Variants in B4GALT6 observed in about 807,000 individuals in gnomAD.
The protein encoded by B4GALT6 is beta-1,4-galactosyltransferase 6, also known as UDP-Gal:beta-GlcNAc beta-1,4-galactosyltransferase 6.
In B4GALT6, 14 loss-of-function variants were observed where a neutral mutation model predicts 46.3. The ratio of observed to expected loss-of-function variants is 0.30; its 90% confidence interval spans 0.20 to 0.47. The LOEUF (loss-of-function observed/expected upper bound fraction) is 0.47, where lower values mean the gene tolerates loss of function less well. B4GALT6 is among the 20% of genes least tolerant of loss of function. The pLI, the probability that B4GALT6 is intolerant of heterozygous loss-of-function variation, is 0.99. For synonymous variants in B4GALT6, 168 were observed against 162.0 expected (o/e 1.04, Z -0.28); for missense variants, 386 against 480.1 (o/e 0.80, Z 1.83).
At chr18:31,636,219 C>T (rs1242691164) in intron 5 of B4GALT6, among the ~76,000 whole-genome samples, 1 of 152,098 alleles carries the variant, frequency 6.6e-6, no homozygotes, top group Non-Finnish European at 1.5e-5. Context: ...GAAAATCATA[C>T]AGAACAATTT....
At chr18:31,644,479 T>C (rs1164342761) in intron 4 of B4GALT6, among the ~76,000 whole-genome samples, 3 of 152,302 alleles carry the variant, frequency 2.0e-5, no homozygotes, top group African/African-American at 2.4e-5. Flanking sequence ...ACAAATATTC[T>C]AGAAGTATAC....
chr18:31,684,304 G>A lies in B4GALT6; in HGVS notation c.115+8C>T, dbSNP rs948302156. 3 of 1,613,304 alleles carry A rather than the reference G, an allele frequency of 1.9e-6. No individual in the cohort carries two copies. Among genetic ancestry groups the A allele is most frequent in the Non-Finnish European group, 1.7e-6 (2 of 1,179,614 alleles). On this transcript the variant is annotated splice_region_variant and intron_variant, in intron 1 of 8. Coordinates refer to ENST00000306851, the MANE Select transcript of B4GALT6 (RefSeq NM_004775.5). ...CCAGGGGAAGCGAGGGTGTGTCTCG[G>A]TGCTTACCGATGCCTGGGGCCACAT... is the stretch of plus-strand genomic sequence containing the variant.
At chr18:31,638,498 G>A in intron 5 of B4GALT6, 146 bp downstream of exon 5, 2 of 676,188 alleles carry the variant, frequency 3.0e-6, no homozygotes, top group Non-Finnish European at 4.9e-6. Flanking sequence ...CTGCATTCCA[G>A]CCTGGGCAAC....
At position 31,625,773 on chromosome 18, in the gene B4GALT6, G is replaced by C. The variant is rs200258231; in HGVS notation, c.1002-12C>G. The C allele has an allele frequency of 9.4e-5, 146 of 1,560,362 alleles. No homozygotes were observed. In the Middle Eastern group the frequency reaches 2.9e-3, roughly 32 times the overall value. On this transcript the variant is annotated splice_polypyrimidine_tract_variant and intron_variant, in intron 8 of 8. Coordinates refer to ENST00000306851, the MANE Select transcript of B4GALT6 (RefSeq NM_004775.5). ...TTAGTAATTTATACCTATAGTTTTA[G>C]AGGAAAAAACAAAAAAGCAACAAAA...
At chr18:31,682,481 G>A (rs1050561401) in intron 1 of B4GALT6, among the ~76,000 whole-genome samples, 5 of 152,108 alleles carry the variant, frequency 3.3e-5, no homozygotes, top group African/African-American at 1.2e-4. Flanking sequence ...CAAGACACGT[G>A]CCAACATTTT....
chr18:31,724,506 G>C, the B4GALT6 span: 1 of 1,009,188 alleles, frequency 9.9e-7, no homozygotes, highest in South Asian at 3.9e-5. Flanking sequence ...GGGGTCTTCT[G>C]CTTCCTCCCA....
chr18:31,638,401 C>A (rs950183097), intron 5 of B4GALT6, among the ~76,000 whole-genome samples: 2 of 152,020 alleles, frequency 1.3e-5, no homozygotes, highest in Admixed American at 6.6e-5. Context: ...GTGGCGGGTG[C>A]CTGTAGTCCC....
At chr18:31,648,396 A>G (rs2074018661) in intron 3 of B4GALT6, among the ~76,000 whole-genome samples, 1 of 152,214 alleles carries the variant, frequency 6.6e-6, no homozygotes, top group Non-Finnish European at 1.5e-5. Context: ...CGCTGGGGTT[A>G]GAAAGGAAAG....
In B4GALT6 at chr18:31,652,832, G is replaced by A. The variant is rs573695712; in HGVS notation, c.346+5144C>T. Among the ~76,000 whole-genome samples, 8 of 152,218 alleles carry A rather than the reference G, an allele frequency of 5.3e-5. No individual in the cohort carries two copies. In the East Asian group the frequency reaches 7.7e-4, roughly 15 times the overall value. ...TTGGCACTTGCCCTTGTTGTTGCCC[G>A]TCGGCTTCCTGCAGCAAGCTCCTCA... On this transcript the variant is annotated intron_variant, in intron 3 of 8. Coordinates refer to ENST00000306851, the MANE Select transcript of B4GALT6 (RefSeq NM_004775.5).
At chr18:31,653,264 C>T (rs1233829948) in intron 3 of B4GALT6, among the ~76,000 whole-genome samples, 2 of 151,808 alleles carry the variant, frequency 1.3e-5, no homozygotes, top group African/African-American at 4.8e-5. Context: ...CCTCTCTGGG[C>T]AGAGCCGACC....
Position 31,669,823 on chromosome 18 carries a change from A to G in B4GALT6, c.116-3451T>C, listed in dbSNP as rs77107854. 7.3e-3 allele frequency among the ~76,000 whole-genome samples: 1,106 copies of G among 152,264 alleles called. 14 individuals are homozygous for G. Among genetic ancestry groups the G allele is most frequent in the African/African-American group, 0.026 (1,062 of 41,546 alleles). ...ATTTAATCCTAAAGTTACATATGAA[A>G]TTTGTTGTCAGTAATATAAACATCT... On this transcript the variant is annotated intron_variant, in intron 1 of 8. Transcript: ENST00000306851.
chr18:31,643,710 C>A (rs142988304), intron 4 of B4GALT6, among the ~76,000 whole-genome samples: 1 of 152,182 alleles, frequency 6.6e-6, no homozygotes, highest in Non-Finnish European at 1.5e-5. Flanking sequence ...ATACACCTGT[C>A]TCCTGGAAAA....
chr18:31,630,962 T>A lies in B4GALT6; in HGVS notation c.773A>T (p.Tyr258Phe). The change falls in exon 6 of 9, where the codon TAT becomes TTT. Residue 258 changes from tyrosine (Y) to phenylalanine (F), a missense_variant. Tyr to Phe is a conservative substitution (Grantham distance 22, BLOSUM62 3). Transcript: ENST00000306851. ...AGGAATAGTGCACACTACTTACATA[T>A]ACATGTATTTATCCAGCTTTGCAGC... is the stretch of plus-strand genomic sequence containing the variant. Reference protein sequence around the residue: ...HFAAKLDKYMYILPYKEFFGG... With the variant: ...HFAAKLDKYMFILPYKEFFGG... 1 of 1,614,186 alleles carries A rather than the reference T, an allele frequency of 6.2e-7. No homozygotes were observed. The highest frequency in any genetic ancestry group is 8.5e-7 in the Non-Finnish European group (1 of 1,180,006).
In B4GALT6 at chr18:31,625,422, G is replaced by T; in HGVS notation, c.*192C>A. 1 of 528,770 alleles carries T rather than the reference G, an allele frequency of 1.9e-6. No individual in the cohort carries two copies. Among genetic ancestry groups the T allele is most frequent in the Non-Finnish European group, 3.2e-6 (1 of 314,612 alleles). 32.8% of individuals were successfully genotyped at this position (528,770 alleles called of 1,614,324 possible). ...TTTCTGCGGTGCTCGCCACAGGGGT[G>T]TGTCTCAGAGCAGGGAGGACGGGTG... is the stretch of plus-strand genomic sequence containing the variant. On this transcript the variant is annotated 3_prime_UTR_variant, in exon 9 of 9. Transcript: ENST00000306851.
At chr18:31,684,205 G>A (rs1468406826) in intron 1 of B4GALT6, 107 bp downstream of exon 1, 7 of 1,532,076 alleles carry the variant, frequency 4.6e-6, no homozygotes, top group African/African-American at 4.2e-5. Context: ...ACGCTTTTCT[G>A]CGGGCCCCTG....
At chr18:31,695,657 A>G in the B4GALT6 span, among the ~76,000 whole-genome samples, 1 of 152,244 alleles carries the variant, frequency 6.6e-6, no homozygotes, top group Non-Finnish European at 1.5e-5. Flanking sequence ...TGAGCTGCCA[A>G]TTTTTGTAAT....
At chr18:31,656,144 A>G (rs974833486) in intron 3 of B4GALT6, among the ~76,000 whole-genome samples, 1 of 152,200 alleles carries the variant, frequency 6.6e-6, no homozygotes, top group South Asian at 2.1e-4. Context: ...GCCTTAGATG[A>G]TATTAGAAGG....
chr18:31,633,473 T>A (rs1230445695), intron 5 of B4GALT6, among the ~76,000 whole-genome samples: 1 of 152,208 alleles, frequency 6.6e-6, no homozygotes, highest in Non-Finnish European at 1.5e-5. Context: ...CATGGAGAAC[T>A]GGTCTTCAAG....
At chr18:31,659,199 G>A (rs189093693) in intron 2 of B4GALT6, among the ~76,000 whole-genome samples, 1 of 152,228 alleles carries the variant, frequency 6.6e-6, no homozygotes, top group Non-Finnish European at 1.5e-5. Flanking sequence ...TTCTTTGAAT[G>A]TTGAGTAATC....
Sources: gnomAD v4.1 joint callset for allele counts (sites outside exome capture counted in the v4.1 genomes callset) on GRCh38, gnomAD v4.1.1 for gene constraint, MANE v1.5 for transcripts, NCBI Gene and HGNC (gene_info 2026-07-23, HGNC 2026-07-21) for gene names.